The following ZUP1 variants were observed in gnomAD, a reference collection of about 807,000 sequenced individuals.
ZUP1 encodes zinc finger-containing ubiquitin peptidase 1.
In ZUP1, 55 loss-of-function variants were observed where a neutral mutation model predicts 68.1. The ratio of observed to expected loss-of-function variants is 0.81; its 90% CI spans 0.65 to 1.01. ZUP1 has a LOEUF of 1.01. ZUP1 is among the 50% of genes least tolerant of loss of function. ZUP1 has a pLI of 0.00. For synonymous variants in ZUP1, 223 were observed against 221.5 expected, an observed-to-expected ratio of 1.01 and a Z score of -0.06; for missense variants, 684 against 674.9, an observed-to-expected ratio of 1.01 and a Z score of -0.15.
At chr6:116,638,524 C>T (rs1378737676) in intron 9 of ZUP1, among the ~76,000 whole-genome samples, 2 of 152,110 alleles carry the variant, frequency 1.3e-5, no homozygotes, top group Non-Finnish European at 2.9e-5. Flanking sequence ...AGCCCAAGTG[C>T]ATAAAATAGA....
rs1190783900 is a variant in ZUP1 at position 116,666,962 on chromosome 6, TTTC to T, written c.228_230del (p.Lys77del). ...CCATTCCACACTGTAGGGTGTTGTC[TTTC>T]TTGTTATCTGAAGTTCCATATTGTA... On this transcript the variant is annotated inframe_deletion, in exon 2 of 10. Coordinates refer to ENST00000368576, the MANE Select transcript of ZUP1 (RefSeq NM_145062.3). The T allele has an allele frequency of 6.2e-7, 1 of 1,612,682 alleles. No homozygotes were observed. The highest frequency in any genetic ancestry group is 8.5e-7 in the Non-Finnish European group (1 of 1,179,840).
chr6:116,653,087 C>A (rs1279362094), intron 5 of ZUP1, among the ~76,000 whole-genome samples: 1 of 151,998 alleles, frequency 6.6e-6, no homozygotes, highest in Non-Finnish European at 1.5e-5. Flanking sequence ...ATGTCATCGA[C>A]CCCAACTATA....
intron 2 of ZUP1, among the ~76,000 whole-genome samples, chr6:116,666,349 G>C (rs910516240): frequency 2.0e-5 from 3 of 152,228 alleles, no homozygotes; most frequent in African/African-American, 7.2e-5. Flanking sequence ...GTCCAGGACA[G>C]TCCAGATGCT....
At chr6:116,654,232 G>A (rs937942740) in intron 5 of ZUP1, among the ~76,000 whole-genome samples, 3 of 151,742 alleles carry the variant, frequency 2.0e-5, no homozygotes, top group African/African-American at 7.3e-5. Flanking sequence ...GAAATATAAA[G>A]GCAGCCTTTA....
At chr6:116,656,541 A>G in intron 5 of ZUP1, 143 bp downstream of exon 5, 1 of 644,784 alleles carries the variant, frequency 1.6e-6, no homozygotes, top group Non-Finnish European at 2.5e-6. Flanking sequence ...CATAAAAATA[A>G]TTCAGAAGTT....
intron 9 of ZUP1, 31 bp from the exon 10 acceptor site, chr6:116,635,910 A>G: frequency 6.6e-7 from 1 of 1,504,132 alleles, no homozygotes; most frequent in Non-Finnish European, 9.0e-7. Context: ...AACAATTTTA[A>G]GCTATAAGTC....
At chr6:116,659,409 C>T (rs1263823079) in intron 3 of ZUP1, among the ~76,000 whole-genome samples, 10 of 152,142 alleles carry the variant, frequency 6.6e-5, no homozygotes, top group Non-Finnish European at 1.5e-4. Context: ...AGATTACAGG[C>T]GTGAGCTACC....
chr6:116,657,908 C>T (rs1244499410), intron 4 of ZUP1, among the ~76,000 whole-genome samples: 2 of 152,080 alleles, frequency 1.3e-5, no homozygotes, highest in East Asian at 1.9e-4. Flanking sequence ...TTGGCCAACA[C>T]GGTGAAACCC....
At position 116,635,847 on chromosome 6, in the gene ZUP1, G is replaced by C. The variant is rs200868601; in HGVS notation, c.1722C>G (p.Ala574=). 2 of 1,597,368 alleles carry C rather than the reference G, an allele frequency of 1.3e-6. No homozygotes were observed. Among genetic ancestry groups the C allele is most frequent in the Admixed American group, 1.8e-5 (1 of 56,454 alleles). The part of the protein sequence containing the change: ...ARRQASQVFT[A]EKIP Reference sequence around the variant, plus strand: ...GCTTGATTCTTCAAGGAATCTTCTCGGCTGTAAAGACTTGAGAAGCTTGTC... The same window carrying C: ...GCTTGATTCTTCAAGGAATCTTCTCCGCTGTAAAGACTTGAGAAGCTTGTC... The change falls in exon 10 of 10, where the codon GCC becomes GCG. Residue 574 remains alanine (A), a synonymous_variant. Coordinates refer to ENST00000368576, the MANE Select transcript of ZUP1 (RefSeq NM_145062.3).
At chr6:116,651,409 G>C (rs181267306) in intron 7 of ZUP1, among the ~76,000 whole-genome samples, 163 bp downstream of exon 7, 17 of 152,304 alleles carry the variant, frequency 1.1e-4, no homozygotes, top group Non-Finnish European at 1.6e-4. Flanking sequence ...CTTGAGGGTA[G>C]AGAAGAGCAC....
Position 116,658,848 on chromosome 6 carries a change from TCTC to T in ZUP1, c.744_746del (p.Arg249del), listed in dbSNP as rs1423550423. On this transcript the variant is annotated inframe_deletion, in exon 4 of 10. Coordinates refer to ENST00000368576, the MANE Select transcript of ZUP1 (RefSeq NM_145062.3). Reference sequence around the variant, plus strand: ...CTATTTCTTGTCTTGATTCTTCAGATCTCCTCTTTCTGTCTTCTTCTTGCTGAA... The same window carrying T: ...CTATTTCTTGTCTTGATTCTTCAGATCTCTTTCTGTCTTCTTCTTGCTGAA... 1.9e-6 allele frequency: 3 copies of T among 1,609,276 alleles called. No homozygotes were observed. Among genetic ancestry groups the T allele is most frequent in the Non-Finnish European group, 8.5e-7 (1 of 1,177,058 alleles).
At chr6:116,666,495 A>T in intron 2 of ZUP1, 139 bp downstream of exon 2, 1 of 584,160 alleles carries the variant, frequency 1.7e-6, no homozygotes, top group East Asian at 3.1e-5. Context: ...TTTCAGTAAC[A>T]GCAAATGAAA....
chr6:116,652,288 T>C, intron 5 of ZUP1, 96 bp from the exon 6 acceptor site: 1 of 891,418 alleles, frequency 1.1e-6, no homozygotes. Flanking sequence ...GCACCATACC[T>C]AAATCCTGTT....
chr6:116,661,843 T>TTA, intron 2 of ZUP1, among the ~76,000 whole-genome samples: 1 of 152,158 alleles, frequency 6.6e-6, no homozygotes, highest in East Asian at 1.9e-4. Flanking sequence ...AAAATTTGAA[T>TTA]TGCTAAACTC....
intron 2 of ZUP1, among the ~76,000 whole-genome samples, chr6:116,662,712 C>T (rs946942440): frequency 1.3e-5 from 2 of 152,134 alleles, no homozygotes; most frequent in Non-Finnish European, 2.9e-5. Context: ...GTTCATGACA[C>T]CCCATTTTCT....
chr6:116,650,717 C>A (rs1422663061), intron 7 of ZUP1, among the ~76,000 whole-genome samples: 1 of 152,158 alleles, frequency 6.6e-6, no homozygotes, highest in Admixed American at 6.5e-5. Flanking sequence ...CTCTTACCTA[C>A]TATCCTAGAT....
intron 9 of ZUP1, among the ~76,000 whole-genome samples, chr6:116,640,157 G>A (rs1324554069): frequency 1.6e-5 from 2 of 128,602 alleles, no homozygotes; most frequent in South Asian, 2.6e-4. Context: ...AGAAAGAAAT[G>A]AACAAAGCCT....
At chr6:116,652,686 C>A (rs901950930) in intron 5 of ZUP1, among the ~76,000 whole-genome samples, 1 of 152,134 alleles carries the variant, frequency 6.6e-6, no homozygotes, top group East Asian at 1.9e-4. Flanking sequence ...ATATCTCATA[C>A]TCCAATACGC....
intron 2 of ZUP1, among the ~76,000 whole-genome samples, chr6:116,664,828 A>C (rs1246847836): frequency 6.6e-6 from 1 of 152,026 alleles, no homozygotes. Context: ...ACAGGGAAAA[A>C]CTAAAAATTA....
Sources: allele counts gnomAD v4.1 joint callset (sites outside exome capture counted in the v4.1 genomes callset), GRCh38; gene constraint gnomAD v4.1.1; transcripts MANE v1.5; gene names NCBI Gene and HGNC (gene_info 2026-07-23, HGNC 2026-07-21).